ETFA: variants seen among roughly 807,000 people sequenced by gnomAD.
ETFA encodes the protein electron transfer flavoprotein subunit alpha, mitochondrial.
A neutral mutation model predicts 46.2 loss-of-function variants in ETFA; 22 were observed. That is an observed-to-expected ratio of 0.48 (90% CI 0.34 to 0.68). ETFA has a LOEUF of 0.68. Among genes scored for constraint, ETFA ranks in the 30% least tolerant of loss-of-function variants. The probability of loss-of-function intolerance (pLI) is 0.01; values close to 1 mark genes in which losing one functional copy is unlikely to be tolerated. For missense variants in ETFA, 345 were observed against 401.1 expected (o/e 0.86, Z 1.19); for synonymous variants, 131 against 139.9 (o/e 0.94, Z 0.45).
At chr15:76,237,887 C>T (rs901428844) in intron 9 of ETFA, among the ~76,000 whole-genome samples, 4 of 152,058 alleles carry the variant, frequency 2.6e-5, no homozygotes, top group African/African-American at 9.7e-5. Flanking sequence ...TTTTCTTTGA[C>T]AGCTGTTAGT....
intron 10 of ETFA, among the ~76,000 whole-genome samples, chr15:76,228,494 C>A (rs2039028470): frequency 6.6e-6 from 1 of 151,906 alleles, no homozygotes; most frequent in Non-Finnish European, 1.5e-5. Flanking sequence ...ACTATGCCTG[C>A]CTTAAAAGTT....
At chr15:76,261,127 CCT>C (rs1402967941) in intron 9 of ETFA, 9 of 1,520,980 alleles carry the variant, frequency 5.9e-6, no homozygotes, top group Middle Eastern at 3.4e-4. Context: ...CTGGGTCACC[CCT>C]GTTACATTTA....
chr15:76,294,328 T>A (rs371951315), intron 2 of ETFA, among the ~76,000 whole-genome samples: 2 of 152,202 alleles, frequency 1.3e-5, no homozygotes, highest in African/African-American at 2.4e-5. Flanking sequence ...CTGTGGCTAA[T>A]ACAGACATAC....
chr15:76,242,696 T>C (rs1443659756), intron 9 of ETFA, among the ~76,000 whole-genome samples: 1 of 152,190 alleles, frequency 6.6e-6, no homozygotes, highest in Non-Finnish European at 1.5e-5. Flanking sequence ...TACAGATGAC[T>C]GGACCATAAA....
intron 1 of ETFA, among the ~76,000 whole-genome samples, chr15:76,309,060 T>C (rs2039963340): frequency 6.6e-6 from 1 of 152,272 alleles, no homozygotes; most frequent in African/African-American, 2.4e-5. Context: ...TACAGGTATA[T>C]GTCCCTATTA....
rs1303796211 is a variant in ETFA, at chr15:76,215,921, C to A, written c.*638G>T. The stretch of plus-strand genomic sequence containing the variant: ...ACAAAAGTCCTATAAACTGACAAAA[C>A]CTTAAAATTAAACGGAAAATGAAAT... On this transcript the variant is annotated 3_prime_UTR_variant, in exon 12 of 12. Coordinates refer to ENST00000557943, the MANE Select transcript of ETFA (RefSeq NM_000126.4). The A allele has an allele frequency of 6.6e-6, 1 of 152,246 alleles. No homozygotes were observed. Among genetic ancestry groups the A allele is most frequent in the Non-Finnish European group, 1.5e-5 (1 of 68,100 alleles). The allele number at this position is 152,246 out of a possible 1,614,324, so 9.4% of individuals were successfully genotyped here.
At chr15:76,278,977 C>T (rs1445479924) in intron 8 of ETFA, among the ~76,000 whole-genome samples, 1 of 152,162 alleles carries the variant, frequency 6.6e-6, no homozygotes, top group Non-Finnish European at 1.5e-5. Context: ...AATATGACTA[C>T]TTTTCCCTCT....
intron 9 of ETFA, chr15:76,258,964 C>T: frequency 6.4e-7 from 1 of 1,554,550 alleles, no homozygotes; most frequent in Non-Finnish European, 8.9e-7. Context: ...GCCAAATTGC[C>T]CTGATGCCCT....
intron 9 of ETFA, among the ~76,000 whole-genome samples, chr15:76,271,874 T>C (rs1020551524): frequency 6.6e-6 from 1 of 151,000 alleles, no homozygotes; most frequent in Non-Finnish European, 1.5e-5. Context: ...TACGTGTGTA[T>C]ATATGTATAT....
At position 76,285,740 on chromosome 15, in the gene ETFA, T is replaced by G. The variant is rs758358468; in HGVS notation, c.563-2A>C. On this transcript the variant is annotated splice_acceptor_variant, in intron 6 of 11. Coordinates refer to ENST00000557943, the MANE Select transcript of ETFA (RefSeq NM_000126.4). LOFTEE classifies it high-confidence loss of function. ...TTTCCACTGGTGAAGTACTTGATGC[T>G]GCATACATTAATACATAATAAAACA... The G allele has an allele frequency of 1.3e-6, 2 of 1,530,246 alleles. No homozygotes were observed. Among genetic ancestry groups the G allele is most frequent in the South Asian group, 2.2e-5 (2 of 89,404 alleles). 94.8% of individuals were successfully genotyped at this position (1,530,246 alleles called of 1,614,324 possible).
chr15:76,260,455 C>T (rs1420580590), intron 9 of ETFA: 2 of 1,578,688 alleles, frequency 1.3e-6, no homozygotes, highest in Admixed American at 1.7e-5. Flanking sequence ...CCCTTCTGGC[C>T]TGCATGGTCA....
At chr15:76,262,399 G>GA (rs2039423633) in intron 9 of ETFA, among the ~76,000 whole-genome samples, 1 of 147,852 alleles carries the variant, frequency 6.8e-6, no homozygotes, top group Non-Finnish European at 1.5e-5. Context: ...TACATTTATA[G>GA]ATTTAAGAAG....
chr15:76,231,139 C>T (rs760912550), intron 10 of ETFA, 194 bp downstream of exon 10: 1 of 563,842 alleles, frequency 1.8e-6, no homozygotes, highest in Non-Finnish European at 3.2e-6. Context: ...GGCCTCTTTC[C>T]ATGACACAGC....
chr15:76,227,609 G>T lies in ETFA; in HGVS notation c.883-1680C>A, dbSNP rs116389371. The T allele has an allele frequency of 2.1e-3, 713 of 332,430 alleles. 5 individuals are homozygous for T. Among genetic ancestry groups the T allele is most frequent in the African/African-American group, 0.015 (678 of 46,142 alleles). The allele number at this position is 332,430 out of a possible 1,614,324, so 20.6% of individuals were successfully genotyped here. On this transcript the variant is annotated intron_variant, in intron 10 of 11. Coordinates refer to ENST00000557943, the MANE Select transcript of ETFA (RefSeq NM_000126.4). ...AAATAGTTTGGTATTCCCCACAGAT[G>T]CTTCTAACACCACTGCAGTTAGACT...
At position 76,259,583 on chromosome 15, in the gene ETFA, C is replaced by T; in HGVS notation, c.816+14829G>A. The T allele has an allele frequency of 3.8e-6, 4 of 1,050,342 alleles. No homozygotes were observed. The South Asian group carries it at 3.9e-5, about 10-fold the overall frequency. 65.1% of individuals were successfully genotyped at this position (1,050,342 alleles called of 1,614,324 possible). A position where few individuals can be genotyped will look rare whatever the true frequency, so the allele number is the denominator to read the frequency against. ...CCCCGAAGGCCCACACATCACTGTG[C>T]ACAGTATACAGGTTGTCAGCCAGGC... is the stretch of plus-strand genomic sequence containing the variant. On this transcript the variant is annotated intron_variant, in intron 9 of 11. Coordinates refer to ENST00000557943, the MANE Select transcript of ETFA (RefSeq NM_000126.4).
At chr15:76,272,226 T>C (rs575103179) in intron 9 of ETFA, among the ~76,000 whole-genome samples, 6 of 150,684 alleles carry the variant, frequency 4.0e-5, no homozygotes, top group East Asian at 3.9e-4. Flanking sequence ...TTCTTTCTTT[T>C]TTTTTTTTTT....
chr15:76,232,628 G>A (rs2039080436), intron 9 of ETFA, among the ~76,000 whole-genome samples: 1 of 152,294 alleles, frequency 6.6e-6, no homozygotes, highest in South Asian at 2.1e-4. Flanking sequence ...CAAAATAAGA[G>A]AGCATTTCAA....
In ETFA at chr15:76,236,092, A is replaced by G. The variant is rs376923761; in HGVS notation, c.817-4694T>C. Among the ~76,000 whole-genome samples the G allele has an allele frequency of 2.0e-4, 31 of 152,324 alleles. No homozygotes were observed. In the East Asian group the frequency reaches 5.8e-3, roughly 28 times the overall value. On this transcript the variant is annotated intron_variant, in intron 9 of 11. Coordinates refer to ENST00000557943, the MANE Select transcript of ETFA (RefSeq NM_000126.4). Reference sequence around the variant, plus strand: ...TGCTTTCTTCAGAAAGTAAGTATATACTAACATCACTCCTGCTTTACCCAA... The same window carrying G: ...TGCTTTCTTCAGAAAGTAAGTATATGCTAACATCACTCCTGCTTTACCCAA...
At position 76,250,599 on chromosome 15, in the gene ETFA, C is replaced by A. The variant is rs1395918217; in HGVS notation, c.817-19201G>T. 2.6e-5 allele frequency among the ~76,000 whole-genome samples: 4 copies of A among 152,186 alleles called. No individual in the cohort carries two copies. The East Asian group carries it at 5.8e-4, about 22-fold the overall frequency. On this transcript the variant is annotated intron_variant, in intron 9 of 11. Coordinates refer to ENST00000557943, the MANE Select transcript of ETFA (RefSeq NM_000126.4). ...TCAGGCTGGAGTGCAGTGGCACAAT[C>A]ATAGCTCACTGCAGCCTTGATCTCC... is the stretch of plus-strand genomic sequence containing the variant.
Sources: gnomAD v4.1 joint callset for allele counts (sites outside exome capture counted in the v4.1 genomes callset) on GRCh38, gnomAD v4.1.1 for gene constraint, MANE v1.5 for transcripts, NCBI Gene and HGNC (gene_info 2026-07-23, HGNC 2026-07-21) for gene names.